Variants in FHIT observed in about 807,000 individuals in gnomAD.
FHIT encodes the protein bis(5'-adenosyl)-triphosphatase.
In FHIT, 19 loss-of-function variants were observed where a neutral mutation model predicts 17.9. That is an observed-to-expected ratio of 1.06 (90% CI 0.74 to 1.56). FHIT has a LOEUF of 1.56. Ranked by LOEUF, FHIT falls within the 40% of genes most tolerant of loss-of-function variation. The pLI, the probability that FHIT is intolerant of heterozygous loss-of-function variation, is 0.00. For synonymous variants in FHIT, 81 were observed against 69.7 expected (o/e 1.16, Z -0.81); for missense variants, 248 against 189.2 (o/e 1.31, Z -1.82).
chr3:59,884,538 G>T (rs566272337), intron 8 of FHIT, among the ~76,000 whole-genome samples: 1 of 152,258 alleles, frequency 6.6e-6, no homozygotes, highest in African/African-American at 2.4e-5. Flanking sequence ...CATTTATTGT[G>T]TCATTGTTGA....
Position 60,604,367 on chromosome 3 carries a change from T to C in FHIT, c.-17-67388A>G, listed in dbSNP as rs138860820. On this transcript the variant is annotated intron_variant, in intron 4 of 9. Coordinates refer to ENST00000492590, the MANE Select transcript of FHIT (RefSeq NM_002012.4). ...CGTGGAAATGGGATTTCAACCATTA[T>C]AATGAGATCAAATCATATGCTAACA... 6.9e-3 allele frequency among the ~76,000 whole-genome samples: 1,056 copies of C among 152,270 alleles called. 13 individuals are homozygous for C. The highest frequency in any genetic ancestry group is 0.024 in the African/African-American group (989 of 41,546).
chr3:61,101,159 G>A (rs962902659), intron 2 of FHIT, among the ~76,000 whole-genome samples: 4 of 152,168 alleles, frequency 2.6e-5, no homozygotes, highest in South Asian at 2.1e-4. Context: ...GAATACTATC[G>A]CCTAGGTTTT....
chr3:61,142,539 T>A, intron 2 of FHIT, among the ~76,000 whole-genome samples: 1 of 152,320 alleles, frequency 6.6e-6, no homozygotes, highest in East Asian at 1.9e-4. Flanking sequence ...GGGCTGGAAG[T>A]GCTCCAGCTC....
intron 5 of FHIT, among the ~76,000 whole-genome samples, chr3:60,231,546 T>C (rs142827989): frequency 8.9e-4 from 135 of 152,302 alleles, no homozygotes; most frequent in African/African-American, 3.2e-3. Flanking sequence ...TGTCTAGCTT[T>C]TATCACTGAA....
At chr3:59,953,949 T>C (rs922839947) in intron 7 of FHIT, among the ~76,000 whole-genome samples, 4 of 152,208 alleles carry the variant, frequency 2.6e-5, no homozygotes, top group Admixed American at 2.0e-4. Flanking sequence ...AAGGCCAAAC[T>C]GCATAAGCAG....
intron 5 of FHIT, among the ~76,000 whole-genome samples, chr3:60,506,485 A>G (rs1343278066): frequency 6.6e-6 from 1 of 152,238 alleles, no homozygotes; most frequent in Non-Finnish European, 1.5e-5. Flanking sequence ...TGTGTTTACT[A>G]TCTATAGTAG....
intron 8 of FHIT, among the ~76,000 whole-genome samples, chr3:59,885,441 C>CTTTTT (rs60795525): frequency 0.01 from 1,425 of 135,978 alleles, 29 homozygotes; most frequent in African/African-American, 0.037. Flanking sequence ...CTACCTGATG[C>CTTTTT]TTTTTTTTTT....
rs191698248 is a variant in FHIT at position 60,069,531 on chromosome 3, G to A, written c.104-55379C>T. Reference sequence around the variant, plus strand: ...AAAGAGACAGGTAAGGCCCCTGCTTGTATAGCGCTTTTGTCCAAGACAGTA... The same window carrying A: ...AAAGAGACAGGTAAGGCCCCTGCTTATATAGCGCTTTTGTCCAAGACAGTA... On this transcript the variant is annotated intron_variant, in intron 5 of 9. Coordinates refer to ENST00000492590, the MANE Select transcript of FHIT (RefSeq NM_002012.4). Among the ~76,000 whole-genome samples the A allele has an allele frequency of 7.7e-4, 117 of 152,272 alleles. 1 individual carries two copies. Among genetic ancestry groups the A allele is most frequent in the African/African-American group, 2.5e-3 (105 of 41,538 alleles).
At chr3:60,596,534 C>G (rs782106699) in intron 4 of FHIT, among the ~76,000 whole-genome samples, 11 of 152,140 alleles carry the variant, frequency 7.2e-5, no homozygotes, top group Non-Finnish European at 1.5e-4. Flanking sequence ...ATCTCCAAAA[C>G]AGACAAGATT....
chr3:60,237,883 C>T (rs1474836656), intron 5 of FHIT, among the ~76,000 whole-genome samples: 2 of 152,022 alleles, frequency 1.3e-5, no homozygotes, highest in Non-Finnish European at 2.9e-5. Flanking sequence ...TGCCTATAAT[C>T]CCAGTACTTT....
intron 5 of FHIT, among the ~76,000 whole-genome samples, chr3:60,271,743 C>T (rs1228655154): frequency 6.6e-6 from 1 of 152,166 alleles, no homozygotes; most frequent in East Asian, 1.9e-4. Context: ...CCTTCCCTTC[C>T]ATGTTATGAA....
chr3:60,779,806 T>G (rs1266226660), intron 4 of FHIT, among the ~76,000 whole-genome samples: 1 of 152,154 alleles, frequency 6.6e-6, no homozygotes, highest in Non-Finnish European at 1.5e-5. Context: ...CAGGTGAGCG[T>G]GACTGATTCC....
At chr3:59,847,274 ACT>A (rs1491097731) in intron 8 of FHIT, among the ~76,000 whole-genome samples, 2 of 151,072 alleles carry the variant, frequency 1.3e-5, no homozygotes, top group Non-Finnish European at 3.0e-5. Flanking sequence ...TCTTTCTTCA[ACT>A]TTTTTTTTCT....
At chr3:61,204,559 A>G (rs9856186) in intron 1 of FHIT, among the ~76,000 whole-genome samples, 21,539 of 152,190 alleles carry the variant, frequency 0.14, 1,651 homozygotes, top group African/African-American at 0.16. Flanking sequence ...AATAGAATAT[A>G]AAAAAGAAAA....
chr3:59,789,665 G>C (rs6788207), intron 8 of FHIT, among the ~76,000 whole-genome samples: 149,800 of 152,296 alleles, frequency 0.98, 73,713 homozygotes, highest in East Asian at 1. Flanking sequence ...TGTCTGAATT[G>C]TTTTTCTAGT....
intron 2 of FHIT, among the ~76,000 whole-genome samples, chr3:61,166,784 C>G (rs561783007): frequency 6.6e-6 from 1 of 152,306 alleles, no homozygotes; most frequent in South Asian, 2.1e-4. Context: ...CTACTCATTG[C>G]TAGGCACTAT....
rs576347966 is a variant in FHIT at position 60,802,201 on chromosome 3, G to A, written c.-18+19718C>T. Among the ~76,000 whole-genome samples, 34 of 152,182 alleles carry A rather than the reference G, an allele frequency of 2.2e-4. 1 individual carries two copies. The highest frequency in any genetic ancestry group is 4.3e-4 in the Non-Finnish European group (29 of 68,024). ...AGACCAGAGAAGAACTCAAATGGTT[G>A]TGGAATCATTAATGATTTATGCTTT... On this transcript the variant is annotated intron_variant, in intron 4 of 9. Transcript: ENST00000492590.
intron 5 of FHIT, among the ~76,000 whole-genome samples, chr3:60,138,411 T>C (rs1699904599): frequency 6.6e-6 from 1 of 152,200 alleles, no homozygotes; most frequent in African/African-American, 2.4e-5. Context: ...TTTGAGAAGA[T>C]GAAAGAAAAC....
At chr3:60,550,601 C>T (rs961937198) in intron 4 of FHIT, among the ~76,000 whole-genome samples, 1 of 109,294 alleles carries the variant, frequency 9.1e-6, no homozygotes, top group African/African-American at 3.5e-5. Context: ...TACCTCTTCT[C>T]TGTTCTGTCA....
Sources: gnomAD v4.1 joint callset for allele counts (sites outside exome capture counted in the v4.1 genomes callset) on GRCh38, gnomAD v4.1.1 for gene constraint, MANE v1.5 for transcripts, NCBI Gene and HGNC (gene_info 2026-07-23, HGNC 2026-07-21) for gene names.